Variants in NTN1 observed in about 807,000 individuals in gnomAD.
The protein encoded by NTN1 is netrin-1.
A neutral mutation model predicts 54.2 loss-of-function variants in NTN1; 11 were observed. The observed-to-expected ratio is 0.20, with a 90% CI of 0.13 to 0.34. The LOEUF (loss-of-function observed/expected upper bound fraction) is 0.34, where lower values mean the gene tolerates loss of function less well. Among genes scored for constraint, NTN1 ranks in the 10% least tolerant of loss-of-function variants. The pLI is 1.00. For synonymous variants in NTN1, 371 were observed against 382.0 expected (o/e 0.97, Z 0.33); for missense variants, 740 against 893.1 (o/e 0.83, Z 2.18).
upstream of NTN1, among the ~76,000 whole-genome samples, chr17:9,018,887 G>A (rs762215121): frequency 6.6e-6 from 1 of 152,206 alleles, no homozygotes; most frequent in East Asian, 1.9e-4. Context: ...TGGGGATGTT[G>A]TCAGGGACGT....
intron 5 of NTN1, among the ~76,000 whole-genome samples, chr17:9,217,036 A>T (rs1267935965): frequency 6.9e-6 from 1 of 145,562 alleles, no homozygotes; most frequent in African/African-American, 2.5e-5. Flanking sequence ...ACAGGGCATG[A>T]CTCCGTCTCA....
intron 2 of NTN1, among the ~76,000 whole-genome samples, chr17:9,072,157 T>C (rs1037806140): frequency 1.3e-5 from 2 of 152,076 alleles, no homozygotes; most frequent in Non-Finnish European, 2.9e-5. Flanking sequence ...TGATCCATCA[T>C]TTCCTGGGGG....
chr17:9,050,527 A>G (rs2091957073), intron 2 of NTN1, among the ~76,000 whole-genome samples: 1 of 151,754 alleles, frequency 6.6e-6, no homozygotes, highest in Admixed American at 6.6e-5. Flanking sequence ...AAAATTAGCC[A>G]GGCATGGCGG....
At chr17:9,126,084 A>G (rs926267602) in intron 2 of NTN1, among the ~76,000 whole-genome samples, 1 of 152,264 alleles carries the variant, frequency 6.6e-6, no homozygotes, top group Non-Finnish European at 1.5e-5. Context: ...TGAACGACGC[A>G]TGGGGTGGAG....
At chr17:9,033,593 G>A (rs2091894120) in intron 2 of NTN1, among the ~76,000 whole-genome samples, 2 of 145,774 alleles carry the variant, frequency 1.4e-5, no homozygotes, top group South Asian at 2.2e-4. Context: ...GCAGCATAGC[G>A]AGACTGCCGT....
At chr17:9,238,605 T>C (rs948820109) in intron 6 of NTN1, among the ~76,000 whole-genome samples, 9 of 152,216 alleles carry the variant, frequency 5.9e-5, no homozygotes, top group African/African-American at 1.7e-4. Context: ...GCAGTCACAG[T>C]TGTTTGAGAA....
chr17:9,203,200 T>C (rs55724067), intron 5 of NTN1, among the ~76,000 whole-genome samples: 21,932 of 152,134 alleles, frequency 0.14, 2,020 homozygotes, highest in Non-Finnish European at 0.22. Context: ...GGATTACAGG[T>C]GTGAGCCACC....
chr17:9,029,557 C>T (rs773374859), intron 2 of NTN1, among the ~76,000 whole-genome samples: 3 of 152,202 alleles, frequency 2.0e-5, no homozygotes, highest in Admixed American at 1.3e-4. Context: ...TAGATACAGA[C>T]GTTCACCTCA....
chr17:9,208,258 G>T (rs918760940), intron 5 of NTN1, among the ~76,000 whole-genome samples: 10 of 152,098 alleles, frequency 6.6e-5, no homozygotes, highest in African/African-American at 2.4e-4. Flanking sequence ...TAAAGCCTAA[G>T]CCCTTTACCC....
intron 2 of NTN1, among the ~76,000 whole-genome samples, chr17:9,124,931 C>T (rs1380812662): frequency 6.6e-6 from 1 of 152,162 alleles, no homozygotes; most frequent in African/African-American, 2.4e-5. Flanking sequence ...TTAAATGAGT[C>T]GGCATGTGTG....
At chr17:9,078,057 TATCCATCCATCCATCC>T (rs111350777) in intron 2 of NTN1, among the ~76,000 whole-genome samples, 1,657 of 151,628 alleles carry the variant, frequency 0.011, 31 homozygotes, top group African/African-American at 0.038. Flanking sequence ...CCCATCCATC[TATCCATCCATCCATCC>T]ATCCATCCAT....
At chr17:9,025,651 G>C (rs2091867898) in intron 2 of NTN1, among the ~76,000 whole-genome samples, 1 of 152,104 alleles carries the variant, frequency 6.6e-6, no homozygotes. Flanking sequence ...AGATATAGCT[G>C]GGAACATCAG....
At chr17:9,033,930 A>G (rs898319865) in intron 2 of NTN1, among the ~76,000 whole-genome samples, 5 of 151,684 alleles carry the variant, frequency 3.3e-5, no homozygotes, top group East Asian at 1.9e-4. Context: ...AAAAAAAAAA[A>G]AAAAGAAAAA....
chr17:9,165,104 G>A lies in NTN1; in HGVS notation c.1207+2103G>A, dbSNP rs2092370092. ...AGCCAAGAAATTTTACCCAACAGCG[G>A]CCACTCAGGTGGGCAGTCCTGTGCC... is the stretch of plus-strand genomic sequence containing the variant. On this transcript the variant is annotated intron_variant, in intron 3 of 6. Transcript: ENST00000173229. The surrounding 1 kb of genome is among the most constrained non-coding windows in gnomAD (Gnocchi z 4.5). Among the ~76,000 whole-genome samples the A allele has an allele frequency of 1.3e-5, 2 of 152,182 alleles. No individual in the cohort carries two copies. Among genetic ancestry groups the A allele is most frequent in the Middle Eastern group, 3.4e-3 (1 of 294 alleles).
intron 2 of NTN1, among the ~76,000 whole-genome samples, chr17:9,073,278 C>T (rs8076013): frequency 0.014 from 2,165 of 152,250 alleles, 49 homozygotes; most frequent in African/African-American, 0.05. Flanking sequence ...ATCAAAGCCG[C>T]GGGTGAAGGT....
chr17:9,117,759 A>G (rs1255507074), intron 2 of NTN1, among the ~76,000 whole-genome samples: 1 of 118,010 alleles, frequency 8.5e-6, no homozygotes, highest in Non-Finnish European at 1.7e-5. Context: ...ACAAACAAAC[A>G]AACAAAAAAA....
intron 2 of NTN1, among the ~76,000 whole-genome samples, chr17:9,102,125 G>C (rs569977890): frequency 2.1e-4 from 32 of 152,328 alleles, no homozygotes; most frequent in African/African-American, 7.0e-4. Flanking sequence ...AGAATATCAG[G>C]TGTTGATAAA....
chr17:9,022,130 G>T (rs149621891), intron 1 of NTN1, among the ~76,000 whole-genome samples, 181 bp from the exon 2 acceptor site: 3,494 of 152,286 alleles, frequency 0.023, 128 homozygotes, highest in African/African-American at 0.08. Context: ...GGCGCGAGCG[G>T]TGCGGACTTG....
At chr17:9,070,068 A>G (rs2092027579) in intron 2 of NTN1, among the ~76,000 whole-genome samples, 1 of 152,152 alleles carries the variant, frequency 6.6e-6, no homozygotes, top group Non-Finnish European at 1.5e-5. Flanking sequence ...GGTTGTGTAG[A>G]CTAGTGGACT....
Sources: allele counts gnomAD v4.1 joint callset (sites outside exome capture counted in the v4.1 genomes callset), GRCh38; gene constraint gnomAD v4.1.1; non-coding constraint Gnocchi (gnomAD v3.1); transcripts MANE v1.5; gene names NCBI Gene and HGNC (gene_info 2026-07-23, HGNC 2026-07-21).